Variants in SRSF4 observed in about 807,000 individuals in gnomAD.
SRSF4 encodes the protein serine and arginine rich splicing factor 4, also known as serine/arginine-rich splicing factor 4.
SRSF4 carries 12 observed loss-of-function variants against 48.8 expected under a neutral mutation model. The ratio of observed to expected loss-of-function variants is 0.25; its 90% CI spans 0.16 to 0.40. The LOEUF (loss-of-function observed/expected upper bound fraction) is 0.40. SRSF4 is among the 10% of genes least tolerant of loss of function. The pLI, the probability that SRSF4 is intolerant of heterozygous loss-of-function variation, is 1.00. For missense variants in SRSF4, 466 were observed against 667.1 expected, an observed-to-expected ratio of 0.70 and a Z score of 3.32; for synonymous variants, 248 against 232.5, an observed-to-expected ratio of 1.07 and a Z score of -0.61.
At chr1:29,149,629 C>T (rs927676055) in intron 5 of SRSF4, among the ~76,000 whole-genome samples, 14 of 148,616 alleles carry the variant, frequency 9.4e-5, no homozygotes, top group Non-Finnish European at 1.8e-4. Context: ...TGCAGTGAGC[C>T]GAGATCGCGC....
At chr1:29,168,215 G>A (rs1232849597) in intron 1 of SRSF4, among the ~76,000 whole-genome samples, 2 of 137,766 alleles carry the variant, frequency 1.5e-5, no homozygotes, top group African/African-American at 2.7e-5. Flanking sequence ...TTTTTTAGGA[G>A]AGACAGGGTT....
chr1:29,155,283 A>C (rs1309890361), intron 3 of SRSF4, among the ~76,000 whole-genome samples: 1 of 152,076 alleles, frequency 6.6e-6, no homozygotes, highest in Non-Finnish European at 1.5e-5. Context: ...TGAAAAAATT[A>C]GTCAGGTGTA....
chr1:29,148,720 T>C lies in SRSF4; in HGVS notation c.1175A>G (p.Lys392Arg), dbSNP rs1227578446. ...GTCAGTGTCTTCCTTCTTCTTCTTCTTGCTGCTGCCCGCCTTGCTGTCTCG... is the reference window on the plus strand; with the variant it reads ...GTCAGTGTCTTCCTTCTTCTTCTTCCTGCTGCTGCCCGCCTTGCTGTCTCG... The part of the protein sequence containing the change: ...SKRDSKAGSS[K>R]KKKKEDTDRS... The change falls in exon 6 of 6, where the codon AAG (lysine) becomes AGG (arginine). Residue 392 changes from lysine (K) to arginine (R), a missense_variant. Transcript: ENST00000373795. 6.2e-7 allele frequency: 1 copy of C among 1,613,850 alleles called. No homozygotes were observed. The highest frequency in any genetic ancestry group is 1.7e-5 in the Admixed American group (1 of 60,006).
chr1:29,155,411 A>G (rs909735444), intron 3 of SRSF4, among the ~76,000 whole-genome samples: 1 of 152,094 alleles, frequency 6.6e-6, no homozygotes, highest in Non-Finnish European at 1.5e-5. Flanking sequence ...AGCCTGGGGT[A>G]CAGAGCAAGA....
chr1:29,165,433 A>G (rs1672657047), intron 1 of SRSF4, among the ~76,000 whole-genome samples: 1 of 152,188 alleles, frequency 6.6e-6, no homozygotes. Flanking sequence ...AATGTTAACC[A>G]CACTTCTTCA....
chr1:29,176,365 T>C (rs1672853676), intron 1 of SRSF4, among the ~76,000 whole-genome samples: 1 of 152,012 alleles, frequency 6.6e-6, no homozygotes, highest in Admixed American at 6.6e-5. Flanking sequence ...ATCATAAAAA[T>C]GATAAAGCAC....
intron 4 of SRSF4, among the ~76,000 whole-genome samples, chr1:29,152,610 T>C (rs1382074754): frequency 6.6e-6 from 1 of 152,092 alleles, no homozygotes; most frequent in African/African-American, 2.4e-5. Context: ...GAAACACCCT[T>C]TTCTGTTAGA....
chr1:29,148,547 A>G lies in SRSF4; in HGVS notation c.1348T>C (p.Ser450Pro). The G allele has an allele frequency of 6.2e-7, 1 of 1,613,944 alleles. No individual in the cohort carries two copies. Among genetic ancestry groups the G allele is most frequent in the African/African-American group, 1.3e-5 (1 of 74,976 alleles). Residue 450 changes from serine (S) to proline (P), a missense_variant, in exon 6 of 6, where the codon TCG becomes CCG. This residue lies in a region of SRSF4 where 402 missense variants were observed against 437.0 expected (regional missense o/e 0.92). Transcript: ENST00000373795. The stretch of plus-strand genomic sequence containing the variant: ...GATTCTGATGGAAGGTTTGGTTTCG[A>G]TTTGGAATTGGATCTCGACCTGGAC... ...TRSRSRSNSK[S>P]KPNLPSESRS...
At chr1:29,160,298 TATCA>T (rs1672574066) in intron 2 of SRSF4, 73 bp downstream of exon 2, 4 of 1,458,842 alleles carry the variant, frequency 2.7e-6, no homozygotes, top group African/African-American at 2.9e-5. Flanking sequence ...TTAAATGTAA[TATCA>T]ATTAATTACT....
Position 29,148,508 on chromosome 1 carries a change from T to G in SRSF4, c.1387A>C (p.Lys463Gln), listed in dbSNP as rs369225064. 13 of 1,614,078 alleles carry G rather than the reference T, an allele frequency of 8.1e-6. No individual in the cohort carries two copies. The highest frequency in any genetic ancestry group is 1.0e-5 in the Non-Finnish European group (12 of 1,180,018). Reference protein sequence around the residue: ...NLPSESRSRSKSASKTRSRSK... With the variant: ...NLPSESRSRSQSASKTRSRSK... ...CGAGATCGGGTTTTTGAAGCTGACTTTGATCTGGAGCGTGATTCTGATGGA... is the reference window on the plus strand; with the variant it reads ...CGAGATCGGGTTTTTGAAGCTGACTGTGATCTGGAGCGTGATTCTGATGGA... Residue 463 changes from lysine (K) to glutamine (Q), a missense_variant, in exon 6 of 6, where the codon AAG becomes CAG. Physicochemically the swap from Lys to Gln is moderately conservative, Grantham distance 53. Transcript: ENST00000373795.
chr1:29,152,630 A>AT (rs554886198), intron 4 of SRSF4, among the ~76,000 whole-genome samples: 8 of 152,090 alleles, frequency 5.3e-5, no homozygotes, highest in Admixed American at 2.6e-4. Flanking sequence ...ATAGATAGGC[A>AT]TTTTCTCGAC....
chr1:29,167,466 C>G (rs955259642), intron 1 of SRSF4, among the ~76,000 whole-genome samples: 7 of 152,250 alleles, frequency 4.6e-5, no homozygotes, highest in African/African-American at 1.7e-4. Flanking sequence ...CTCACTGCAG[C>G]CTCCACCTCC....
At chr1:29,153,017 G>A (rs1174439253) in intron 4 of SRSF4, among the ~76,000 whole-genome samples, 1 of 152,142 alleles carries the variant, frequency 6.6e-6, no homozygotes, top group African/African-American at 2.4e-5. Flanking sequence ...TGTCCTTAGG[G>A]AAGCTGTTGC....
At position 29,148,644 on chromosome 1, in the gene SRSF4, A is replaced by G; in HGVS notation, c.1251T>C (p.His417=). The change falls in exon 6 of 6, where the codon CAT becomes CAC. Residue 417 remains histidine (H), a synonymous_variant. Coordinates refer to ENST00000373795, the MANE Select transcript of SRSF4 (RefSeq NM_005626.5). Reference sequence around the variant, plus strand: ...CCCTCTGGCTGGATTCAGACTTGGCATGTTCCCGCTCCTTTGACACGGAGC... The same window carrying G: ...CCCTCTGGCTGGATTCAGACTTGGCGTGTTCCCGCTCCTTTGACACGGAGC... ...PSRSVSKERE[H]AKSESSQREG... 1.2e-6 allele frequency: 2 copies of G among 1,614,040 alleles called. No homozygotes were observed. The highest frequency in any genetic ancestry group is 2.2e-5 in the South Asian group (2 of 91,076).
intron 3 of SRSF4, 132 bp downstream of exon 3, chr1:29,159,242 A>G (rs1210400944): frequency 8.7e-6 from 5 of 574,094 alleles, no homozygotes; most frequent in Non-Finnish European, 1.3e-5. Context: ...CACTTTAATT[A>G]TTTCCAGCTC....
intron 1 of SRSF4, chr1:29,169,202 T>C (rs774910760): frequency 1.3e-5 from 2 of 152,248 alleles, no homozygotes; most frequent in Non-Finnish European, 2.9e-5. Flanking sequence ...ATCAAGAAAC[T>C]AACTTAGAGG....
At chr1:29,154,663 T>G in intron 4 of SRSF4, 33 bp downstream of exon 4, 27 of 1,595,522 alleles carry the variant, frequency 1.7e-5, no homozygotes, top group African/African-American at 2.7e-5. Flanking sequence ...GAATTTATGA[T>G]GAGCTCCAAC....
At chr1:29,150,553 C>T (rs1346606670) in intron 4 of SRSF4, among the ~76,000 whole-genome samples, 4 of 152,114 alleles carry the variant, frequency 2.6e-5, no homozygotes, top group South Asian at 2.1e-4. Context: ...CATGAGCCAC[C>T]GTACCCGGCC....
At chr1:29,149,317 C>G (rs938635291) in intron 5 of SRSF4, 91 bp from the exon 6 acceptor site, 1 of 1,402,932 alleles carries the variant, frequency 7.1e-7, no homozygotes, top group Non-Finnish European at 9.6e-7. Context: ...TGGAGTTACA[C>G]CCCCCAATAT....
Sources: allele counts gnomAD v4.1 joint callset (sites outside exome capture counted in the v4.1 genomes callset), GRCh38; gene constraint gnomAD v4.1.1; regional missense constraint gnomAD v4.1.1; transcripts MANE v1.5; gene names NCBI Gene and HGNC (gene_info 2026-07-23, HGNC 2026-07-21).